PDE4D: variants seen among roughly 807,000 people sequenced by gnomAD.
PDE4D encodes phosphodiesterase 4D, also known as 3',5'-cyclic-AMP phosphodiesterase 4D.
Under a neutral mutation model 87.4 loss-of-function variants are expected in PDE4D, and 24 were observed. The observed-to-expected ratio is 0.27, with a 90% CI of 0.20 to 0.39. The LOEUF (loss-of-function observed/expected upper bound fraction) is 0.39. Among genes scored for constraint, PDE4D ranks in the 10% least tolerant of loss-of-function variants. The pLI, the probability that PDE4D is intolerant of heterozygous loss-of-function variation, is 1.00. For synonymous variants in PDE4D, 384 were observed against 383.2 expected (o/e 1.00, Z -0.02); for missense variants, 714 against 1,041.0 (o/e 0.69, Z 4.32).
intron 2 of PDE4D, among the ~76,000 whole-genome samples, chr5:60,049,222 C>A (rs556802853): frequency 2.6e-5 from 4 of 152,298 alleles, no homozygotes; most frequent in African/African-American, 9.6e-5. Context: ...TCCATCAGCT[C>A]CTTTAAGCAC....
chr5:59,649,606 C>T (rs969037713), intron 1 of PDE4D, among the ~76,000 whole-genome samples: 21 of 151,740 alleles, frequency 1.4e-4, no homozygotes, highest in African/African-American at 4.8e-4. Flanking sequence ...AGACAGGAAA[C>T]AAAAAGACAA....
chr5:59,313,842 T>C (rs2153567406), intron 1 of PDE4D, among the ~76,000 whole-genome samples: 2 of 152,262 alleles, frequency 1.3e-5, no homozygotes, highest in East Asian at 1.9e-4. Context: ...AAGGCCCTTT[T>C]ACTGTTTTCC....
chr5:59,740,179 G>A (rs1447473616), intron 1 of PDE4D, among the ~76,000 whole-genome samples: 1 of 152,010 alleles, frequency 6.6e-6, no homozygotes, highest in Non-Finnish European at 1.5e-5. Flanking sequence ...AATGTCTGTG[G>A]GCCCACTTAC....
chr5:59,421,432 T>C (rs1794467886), intron 1 of PDE4D, among the ~76,000 whole-genome samples: 1 of 152,118 alleles, frequency 6.6e-6, no homozygotes, highest in Non-Finnish European at 1.5e-5. Flanking sequence ...CTTACAGTAG[T>C]TCACATCAGT....
chr5:60,460,202 T>G, intron 1 of PDE4D: 1 of 1,515,846 alleles, frequency 6.6e-7, no homozygotes, highest in Admixed American at 1.7e-5. Flanking sequence ...GATGAACATT[T>G]CATCAAATCC....
In PDE4D at chr5:58,975,902, A is replaced by AAC. The variant is rs1743620756; in HGVS notation, c.1831-64_1831-63insGT. 1.6e-6 allele frequency: 2 copies of AAC among 1,240,870 alleles called. No homozygotes were observed. Among genetic ancestry groups the AAC allele is most frequent in the Admixed American group, 2.8e-5 (1 of 36,234 alleles). The allele number at this position is 1,240,870 out of a possible 1,614,324, so 76.9% of individuals were successfully genotyped here. On this transcript the variant is annotated intron_variant, in intron 13 of 14. Coordinates refer to ENST00000340635, the MANE Select transcript of PDE4D (RefSeq NM_001104631.2). This position sits in a 1 kb window ranked among gnomAD's most constrained non-coding sequence, Gnocchi z 4.2. ...CCTTTTTTTTAAAAAAAAAAACAAA[A>AAC]AAAACTAGAAATTCACATTGGATGA...
intron 3 of PDE4D, among the ~76,000 whole-genome samples, chr5:59,943,933 G>T (rs936752424): frequency 1.3e-5 from 2 of 152,192 alleles, no homozygotes; most frequent in African/African-American, 4.8e-5. Context: ...AGGGAAGCAA[G>T]AAGATGAATG....
At chr5:59,645,928 A>G (rs1742365728) in intron 1 of PDE4D, among the ~76,000 whole-genome samples, 1 of 152,202 alleles carries the variant, frequency 6.6e-6, no homozygotes, top group South Asian at 2.1e-4. Flanking sequence ...ATACTAGAGA[A>G]AAGACTGCAT....
intron 3 of PDE4D, among the ~76,000 whole-genome samples, chr5:59,937,739 G>C (rs1243802890): frequency 6.6e-6 from 1 of 152,086 alleles, no homozygotes; most frequent in African/African-American, 2.4e-5. Context: ...GAATTTGGGG[G>C]GAACACAAAT....
intron 1 of PDE4D, chr5:60,460,679 C>A: frequency 4.9e-6 from 5 of 1,019,766 alleles, no homozygotes; most frequent in Non-Finnish European, 6.1e-6. Context: ...GGTCCCAGAG[C>A]AGGAGGCATT....
chr5:59,582,416 ACT>A (rs1030500257), intron 1 of PDE4D, among the ~76,000 whole-genome samples: 11 of 152,124 alleles, frequency 7.2e-5, no homozygotes, highest in Middle Eastern at 6.8e-3. Flanking sequence ...AAAAGATGAA[ACT>A]CTATGAGGCT....
chr5:59,434,528 T>A (rs1796533960), intron 1 of PDE4D, among the ~76,000 whole-genome samples: 1 of 152,134 alleles, frequency 6.6e-6, no homozygotes, highest in South Asian at 2.1e-4. Flanking sequence ...CACTTACTGG[T>A]CAATGCATCC....
chr5:59,203,626 C>T (rs765673230), intron 2 of PDE4D, among the ~76,000 whole-genome samples: 6 of 151,352 alleles, frequency 4.0e-5, no homozygotes, highest in East Asian at 1.9e-4. Flanking sequence ...ATGTTATATA[C>T]ACACACACAC....
At chr5:59,485,957 T>C (rs955046537) in intron 1 of PDE4D, among the ~76,000 whole-genome samples, 2 of 152,128 alleles carry the variant, frequency 1.3e-5, no homozygotes, top group Admixed American at 6.6e-5. Flanking sequence ...AAAGCTACTT[T>C]GAAATATTGG....
rs536969905 is a variant in PDE4D at position 59,438,554 on chromosome 5, A to C, written c.456-222586T>G. On this transcript the variant is annotated intron_variant, in intron 1 of 14. Coordinates refer to ENST00000340635, the MANE Select transcript of PDE4D (RefSeq NM_001104631.2). ...GGACTTTACTCTTCAGTTTGTCTGA[A>C]TAGTATACAGCTATTGCCCTGGAAT... 2.0e-4 allele frequency among the ~76,000 whole-genome samples: 30 copies of C among 152,324 alleles called. No individual in the cohort carries two copies. In the South Asian group the frequency reaches 6.0e-3, roughly 30 times the overall value.
chr5:59,548,311 C>G (rs1180190771), intron 1 of PDE4D, among the ~76,000 whole-genome samples: 4 of 152,160 alleles, frequency 2.6e-5, no homozygotes, highest in Non-Finnish European at 5.9e-5. Context: ...CTCTTGCTTA[C>G]TTACTCTTTG....
rs140131110 is a variant in PDE4D, at chr5:60,424,046, T to C, written c.-90+63896A>G. 6.8e-3 allele frequency among the ~76,000 whole-genome samples: 1,040 copies of C among 152,262 alleles called. 12 individuals carry two copies. Among genetic ancestry groups the C allele is most frequent in the African/African-American group, 0.024 (987 of 41,554 alleles). ...GCTCTGAAATTAAGGCAATAATTAA[T>C]AGCCTACCAACCAAAAAAAGTCCAG... On this transcript the variant is annotated intron_variant, in intron 1 of 16. Transcript: ENST00000502484.
At position 59,322,727 on chromosome 5, in the gene PDE4D, T is replaced by C. The variant is rs563257564; in HGVS notation, c.456-106759A>G. On this transcript the variant is annotated intron_variant, in intron 1 of 14. Coordinates refer to ENST00000340635, the MANE Select transcript of PDE4D (RefSeq NM_001104631.2). ...AATGTGGGCACAAATGATACTGCTT[T>C]ATAAACTGAGGCCTTACAAAGTATT... Among the ~76,000 whole-genome samples, 9 of 152,254 alleles carry C rather than the reference T, an allele frequency of 5.9e-5. No homozygotes were observed. The East Asian group carries it at 1.7e-3, about 30-fold the overall frequency.
intron 5 of PDE4D, among the ~76,000 whole-genome samples, chr5:59,122,915 C>T (rs925323464): frequency 5.9e-5 from 9 of 152,130 alleles, no homozygotes; most frequent in African/African-American, 2.2e-4. Context: ...ATTCTATGCC[C>T]ACAATCACTT....
Sources: gnomAD v4.1 joint callset for allele counts (sites outside exome capture counted in the v4.1 genomes callset) on GRCh38, gnomAD v4.1.1 for gene constraint, Gnocchi (gnomAD v3.1) non-coding constraint, MANE v1.5 for transcripts, NCBI Gene and HGNC (gene_info 2026-07-23, HGNC 2026-07-21) for gene names.